KCNH7: variants seen among roughly 807,000 people sequenced by gnomAD.
KCNH7 encodes the protein voltage-gated inwardly rectifying potassium channel KCNH7.
KCNH7 carries 49 observed loss-of-function variants against 120.8 expected under a neutral mutation model. The observed-to-expected ratio is 0.41, with a 90% CI of 0.32 to 0.51. The LOEUF is 0.51. Ranked by LOEUF, KCNH7 falls within the 20% of genes least tolerant of loss-of-function variation. The pLI is 0.38. For missense variants in KCNH7, 1,097 were observed against 1,446.6 expected (o/e 0.76, Z 3.92); for synonymous variants, 547 against 516.1 (o/e 1.06, Z -0.81).
At position 162,608,686 on chromosome 2, in the gene KCNH7, G is replaced by A. The variant is rs147936482; in HGVS notation, c.308-71606C>T. On this transcript the variant is annotated intron_variant, in intron 2 of 15. Coordinates refer to ENST00000332142, the MANE Select transcript of KCNH7 (RefSeq NM_033272.4). ...TCTGCCTTTAATCACATTGTTAACT[G>A]TACTAGGAATAGCTTGTCATCCTAT... Among the ~76,000 whole-genome samples, 377 of 152,120 alleles carry A rather than the reference G, an allele frequency of 2.5e-3. 2 individuals carry two copies. The highest frequency in any genetic ancestry group is 8.5e-3 in the African/African-American group (353 of 41,510).
intron 2 of KCNH7, among the ~76,000 whole-genome samples, chr2:162,828,969 A>C (rs1465516975): frequency 1.3e-5 from 2 of 152,176 alleles, no homozygotes; most frequent in African/African-American, 4.8e-5. Context: ...AACTTGGGAA[A>C]AGTCATAGAA....
At chr2:162,569,169 T>C (rs1219166395) in intron 2 of KCNH7, among the ~76,000 whole-genome samples, 1 of 151,930 alleles carries the variant, frequency 6.6e-6, no homozygotes, top group Non-Finnish European at 1.5e-5. Flanking sequence ...TGGACTCTTT[T>C]TGGTTGGTAA....
chr2:162,395,670 T>C (rs1686891266), intron 11 of KCNH7, among the ~76,000 whole-genome samples: 1 of 151,774 alleles, frequency 6.6e-6, no homozygotes, highest in Non-Finnish European at 1.5e-5. Flanking sequence ...ATGTTCTTAA[T>C]AACTAGAATC....
chr2:162,408,910 C>T (rs987365030), intron 9 of KCNH7, among the ~76,000 whole-genome samples: 2 of 151,476 alleles, frequency 1.3e-5, no homozygotes, highest in Non-Finnish European at 3.0e-5. Context: ...ATTTAGAAAA[C>T]AATAAAAATG....
At chr2:162,687,279 AGTG>A (rs1295171855) in intron 2 of KCNH7, among the ~76,000 whole-genome samples, 1 of 152,154 alleles carries the variant, frequency 6.6e-6, no homozygotes, top group Non-Finnish European at 1.5e-5. Context: ...CCTGGCTTAC[AGTG>A]GTTCAGACTA....
intron 2 of KCNH7, among the ~76,000 whole-genome samples, chr2:162,571,704 A>T (rs1693481844): frequency 1.4e-5 from 2 of 138,922 alleles, no homozygotes; most frequent in South Asian, 4.8e-4. Context: ...AGAGATATAG[A>T]TCAATGGAAC....
At chr2:162,475,468 A>G (rs1689703612) in intron 6 of KCNH7, among the ~76,000 whole-genome samples, 1 of 152,176 alleles carries the variant, frequency 6.6e-6, no homozygotes. Context: ...CTTGCTCTGG[A>G]TATTATGCCA....
chr2:162,835,608 GTATAGATA>G (rs1416059092), intron 2 of KCNH7, among the ~76,000 whole-genome samples: 3 of 151,470 alleles, frequency 2.0e-5, no homozygotes, highest in Admixed American at 1.3e-4. Flanking sequence ...ATATCATTTT[GTATAGATA>G]TATAGATATA....
In KCNH7 at chr2:162,592,769, C is replaced by T. The variant is rs369080808; in HGVS notation, c.308-55689G>A. Among the ~76,000 whole-genome samples the T allele has an allele frequency of 3.9e-5, 6 of 152,048 alleles. No homozygotes were observed. The East Asian group carries it at 7.7e-4, about 20-fold the overall frequency. ...GACTCCTATTTATTAACTATACTGG[C>T]GAAGATTGGCCTTATCAACTTAGTT... On this transcript the variant is annotated intron_variant, in intron 2 of 15. Coordinates refer to ENST00000332142, the MANE Select transcript of KCNH7 (RefSeq NM_033272.4).
chr2:162,606,783 T>C (rs1017258771), intron 2 of KCNH7, among the ~76,000 whole-genome samples: 3 of 152,202 alleles, frequency 2.0e-5, no homozygotes, highest in African/African-American at 7.2e-5. Flanking sequence ...TAAAGTTATA[T>C]ATTTTGATTC....
At chr2:162,470,560 C>T (rs113950085) in intron 6 of KCNH7, among the ~76,000 whole-genome samples, 59,731 of 151,338 alleles carry the variant, frequency 0.39, 15,174 homozygotes, top group Non-Finnish European at 0.58. Context: ...GCAGCCACCC[C>T]GTCCGGGAGG....
chr2:162,381,415 G>T (rs1265804297), intron 13 of KCNH7, among the ~76,000 whole-genome samples: 1 of 152,034 alleles, frequency 6.6e-6, no homozygotes, highest in East Asian at 1.9e-4. Context: ...TTCTCCAAGG[G>T]TAGTTTAAAT....
chr2:162,470,738 G>A (rs1467437446), intron 6 of KCNH7, among the ~76,000 whole-genome samples: 1 of 152,232 alleles, frequency 6.6e-6, no homozygotes, highest in Non-Finnish European at 1.5e-5. Context: ...ACCCCGTCTG[G>A]GAGGTGTACC....
chr2:162,777,957 A>T (rs1683313261), intron 2 of KCNH7, among the ~76,000 whole-genome samples: 1 of 152,118 alleles, frequency 6.6e-6, no homozygotes, highest in Non-Finnish European at 1.5e-5. Flanking sequence ...GTTTTTTTAA[A>T]AAGGCTAACT....
chr2:162,544,219 T>C (rs1160075596), intron 2 of KCNH7, among the ~76,000 whole-genome samples: 1 of 152,156 alleles, frequency 6.6e-6, no homozygotes, highest in Non-Finnish European at 1.5e-5. Flanking sequence ...GGGTAATGTA[T>C]ATGACAGAAC....
chr2:162,813,251 T>C (rs1684796347), intron 2 of KCNH7, among the ~76,000 whole-genome samples: 1 of 152,230 alleles, frequency 6.6e-6, no homozygotes, highest in East Asian at 1.9e-4. Context: ...GTCAACCCAC[T>C]TTAACCTTCA....
intron 14 of KCNH7, 35 bp downstream of exon 14, chr2:162,379,818 G>A (rs369831069): frequency 6.2e-7 from 1 of 1,606,648 alleles, no homozygotes; most frequent in Admixed American, 1.7e-5. Context: ...TAAGGGGTTG[G>A]GTTATGTTCT....
intron 2 of KCNH7, chr2:162,795,598 A>G (rs1333873837): frequency 6.6e-6 from 1 of 152,060 alleles, no homozygotes; most frequent in Non-Finnish European, 1.5e-5. Flanking sequence ...TGTTGAAGCT[A>G]TAAAGGAGGT....
intron 2 of KCNH7, among the ~76,000 whole-genome samples, chr2:162,784,127 C>T (rs550384454): frequency 7.4e-4 from 112 of 152,108 alleles, no homozygotes; most frequent in Non-Finnish European, 1.6e-3. Context: ...AAAATACAGA[C>T]TGCCTGTAGA....
Sources: allele counts gnomAD v4.1 joint callset (sites outside exome capture counted in the v4.1 genomes callset), GRCh38; gene constraint gnomAD v4.1.1; transcripts MANE v1.5; gene names NCBI Gene and HGNC (gene_info 2026-07-23, HGNC 2026-07-21).